The following SMAD6 variants were observed in gnomAD, a reference collection of about 807,000 sequenced individuals.
The protein encoded by SMAD6 is MAD homolog 6.
In SMAD6, 103 loss-of-function variants were observed where a neutral mutation model predicts 39.4. The observed-to-expected ratio is 2.62, with a 90% confidence interval of 2.23 to 3.08. SMAD6 has a LOEUF of 3.08. Among genes scored for constraint, SMAD6 ranks in the 30% most tolerant of loss-of-function variants. The probability of loss-of-function intolerance (pLI) is 0.00; values close to 1 mark genes in which losing one functional copy is unlikely to be tolerated. For synonymous variants in SMAD6, 445 were observed against 353.3 expected (o/e 1.26, Z -2.91); for missense variants, 1,104 against 742.9 (o/e 1.49, Z -5.65).
chr15:66,782,222 G>A lies in SMAD6; in HGVS notation c.*687G>A, dbSNP rs999714859. On this transcript the variant is annotated 3_prime_UTR_variant, in exon 4 of 4. Coordinates refer to ENST00000288840, the MANE Select transcript of SMAD6 (RefSeq NM_005585.5). ...GGGGTGTCCAGTGGATAGGGATGGC[G>A]GTGGGGAAAAGAATACACTGGCCAT... The A allele has an allele frequency of 6.2e-5, 11 of 177,584 alleles. No homozygotes were observed. Among genetic ancestry groups the A allele is most frequent in the African/African-American group, 5.6e-4 (7 of 12,430 alleles). The allele number at this position is 177,584 out of a possible 1,614,324, so 11.0% of individuals were successfully genotyped here.
At chr15:66,722,732 C>G (rs1269189155) in intron 3 of SMAD6, among the ~76,000 whole-genome samples, 2 of 152,064 alleles carry the variant, frequency 1.3e-5, no homozygotes, top group Non-Finnish European at 2.9e-5. Flanking sequence ...GAGTATCTTA[C>G]AGAAGGACCC....
In SMAD6 at chr15:66,703,644, T is replaced by C; in HGVS notation, c.386T>C (p.Phe129Ser). Residue 129 changes from phenylalanine to serine, a missense_variant, in exon 1 of 4, where the codon TTT becomes TCT. Phe to Ser is a radical substitution (Grantham distance 155, BLOSUM62 -2). Transcript: ENST00000288840. ...SDCETVTCCL[F>S]SERDAAGAPR... ...TGCGAGACGGTGACCTGCTGTCTCT[T>C]TTCGGAGCGGGACGCCGCCGGCGCG... 1.6e-6 allele frequency: 2 copies of C among 1,232,578 alleles called. No individual in the cohort carries two copies. Among genetic ancestry groups the C allele is most frequent in the Non-Finnish European group, 2.0e-6 (2 of 986,718 alleles). The allele number at this position is 1,232,578 out of a possible 1,614,324, so 76.4% of individuals were successfully genotyped here.
chr15:66,719,379 G>A (rs1425399329), intron 3 of SMAD6, among the ~76,000 whole-genome samples: 2 of 152,220 alleles, frequency 1.3e-5, no homozygotes, highest in African/African-American at 2.4e-5. Flanking sequence ...GAGGGTGCAG[G>A]GCGGCTCCGT....
rs150445723 is a variant in SMAD6, at chr15:66,748,133, A to G, written c.952+31635A>G. ...GACCTTAAGATTACTTATGGCTATT[A>G]GTGGGATCCATATATTTTGGCACCA... On this transcript the variant is annotated intron_variant, in intron 3 of 3. Coordinates refer to ENST00000288840, the MANE Select transcript of SMAD6 (RefSeq NM_005585.5). 2.4e-3 allele frequency among the ~76,000 whole-genome samples: 370 copies of G among 152,298 alleles called. No homozygotes were observed. The East Asian group carries it at 0.03, about 13-fold the overall frequency.
chr15:66,767,638 G>C (rs1894310351), intron 3 of SMAD6, among the ~76,000 whole-genome samples: 1 of 152,210 alleles, frequency 6.6e-6, no homozygotes, highest in Non-Finnish European at 1.5e-5. Flanking sequence ...TTTTTGTTGG[G>C]AACGCTTAAG....
chr15:66,711,929 A>G (rs556042288), intron 2 of SMAD6, among the ~76,000 whole-genome samples: 11 of 152,020 alleles, frequency 7.2e-5, no homozygotes, highest in Admixed American at 6.5e-5. Flanking sequence ...GCAGCAGGCT[A>G]TTTACATCTC....
chr15:66,776,463 A>G (rs1894470170), intron 3 of SMAD6, among the ~76,000 whole-genome samples: 1 of 152,236 alleles, frequency 6.6e-6, no homozygotes, highest in Admixed American at 6.5e-5. Flanking sequence ...GGAGACGTTT[A>G]GCAGTTTATC....
chr15:66,771,202 C>T (rs1388056676), intron 3 of SMAD6, among the ~76,000 whole-genome samples: 1 of 152,102 alleles, frequency 6.6e-6, no homozygotes, highest in East Asian at 1.9e-4. Context: ...GTCCCCTTGC[C>T]CGTTGGAGTG....
At position 66,781,394 on chromosome 15, in the gene SMAD6, C is replaced by A. The variant is rs765013200; in HGVS notation, c.1350C>A (p.Pro450=). ...DFERSGLQHA[P]EPDAADGPYD... is the part of the protein sequence containing the mutation. The stretch of plus-strand genomic sequence containing the variant: ...AGCGCTCGGGCCTGCAGCACGCGCC[C>A]GAGCCCGACGCCGCCGACGGCCCCT... Residue 450 remains proline, a synonymous_variant, in exon 4 of 4, where the codon CCC becomes CCA. Coordinates refer to ENST00000288840, the MANE Select transcript of SMAD6 (RefSeq NM_005585.5). 2 of 1,602,074 alleles carry A rather than the reference C, an allele frequency of 1.2e-6. No individual in the cohort carries two copies. Among genetic ancestry groups the A allele is most frequent in the South Asian group, 2.2e-5 (2 of 90,906 alleles).
chr15:66,758,753 G>T (rs914678289), intron 3 of SMAD6, among the ~76,000 whole-genome samples: 6 of 151,118 alleles, frequency 4.0e-5, no homozygotes, highest in African/African-American at 1.5e-4. Context: ...AAAGATAAAT[G>T]CTCTCAGATT....
chr15:66,717,929 C>T (rs2140607406), intron 3 of SMAD6, among the ~76,000 whole-genome samples: 1 of 152,204 alleles, frequency 6.6e-6, no homozygotes, highest in Non-Finnish European at 1.5e-5. Flanking sequence ...TTTCTTTTTT[C>T]CTCTGCACCT....
intron 2 of SMAD6, 42 bp downstream of exon 2, chr15:66,711,766 G>C (rs750327493): frequency 6.0e-6 from 9 of 1,508,242 alleles, no homozygotes; most frequent in Non-Finnish European, 8.3e-6. Flanking sequence ...GGTGTGTCCC[G>C]AACTGGGTCC....
At chr15:66,713,930 C>T (rs537368158) in intron 2 of SMAD6, among the ~76,000 whole-genome samples, 24 of 152,230 alleles carry the variant, frequency 1.6e-4, no homozygotes, top group African/African-American at 5.8e-4. Context: ...TGAGTGAGGG[C>T]GAGGAGCTTC....
chr15:66,721,398 CCAA>C (rs10532781), intron 3 of SMAD6, among the ~76,000 whole-genome samples: 30,703 of 151,958 alleles, frequency 0.2, 3,370 homozygotes, highest in African/African-American at 0.3. Context: ...GTGTTCTCGT[CCAA>C]CAACACCCTC....
intron 1 of SMAD6, chr15:66,704,440 C>T (rs1893064400): frequency 5.3e-6 from 1 of 190,336 alleles, no homozygotes; most frequent in Non-Finnish European, 1.1e-5. Context: ...ATTCCGGAAT[C>T]TACCCCAGTC....
intron 3 of SMAD6, among the ~76,000 whole-genome samples, chr15:66,752,492 A>G (rs1894024573): frequency 6.6e-6 from 1 of 152,170 alleles, no homozygotes; most frequent in Non-Finnish European, 1.5e-5. Flanking sequence ...CAATTTAAAA[A>G]TACATACATA....
intron 1 of SMAD6, chr15:66,704,797 A>T (rs1347668002): frequency 6.6e-6 from 1 of 152,280 alleles, no homozygotes; most frequent in Non-Finnish European, 1.5e-5. Context: ...AAGAAGCCAG[A>T]TACTGGATTA....
At chr15:66,780,903 C>A in intron 3 of SMAD6, 94 bp from the exon 4 acceptor site, 4 of 1,272,412 alleles carry the variant, frequency 3.1e-6, no homozygotes, top group South Asian at 1.5e-5. Context: ...TTACCCAGCT[C>A]CCACTGTGCA....
intron 3 of SMAD6, among the ~76,000 whole-genome samples, chr15:66,746,195 T>C (rs1476761329): frequency 6.6e-6 from 1 of 152,222 alleles, no homozygotes; most frequent in Non-Finnish European, 1.5e-5. Flanking sequence ...AATGCTAGAC[T>C]TGCTGAAAGG....
Sources: gnomAD v4.1 joint callset for allele counts (sites outside exome capture counted in the v4.1 genomes callset) on GRCh38, gnomAD v4.1.1 for gene constraint, MANE v1.5 for transcripts, NCBI Gene and HGNC (gene_info 2026-07-23, HGNC 2026-07-21) for gene names.